Variants in CDKN2B-AS1 observed in about 807,000 individuals in gnomAD.
The protein encoded by CDKN2B-AS1 is CDKN2B and CDKN2A antisense cis and trans regulatory RNA 1, also known as CDKN2B antisense RNA 1 (non-protein coding).
rs995311649 is a variant in CDKN2B-AS1, at chr9:21,997,827, T to C, written n.29+2666T>C. On this transcript the variant is annotated intron_variant and non_coding_transcript_variant, in intron 1 of 4. Coordinates refer to ENST00000650946, the Ensembl canonical transcript of CDKN2B-AS1. The surrounding 1 kb of genome is among the most constrained non-coding windows in gnomAD (Gnocchi z 4.8). ...CACTGGGTACCACAGCCTAGCCAAG[T>C]TGACATACCAAATTAACTGTCACAT... is the stretch of plus-strand genomic sequence containing the variant. Among the ~76,000 whole-genome samples, 2 of 152,144 alleles carry C rather than the reference T, an allele frequency of 1.3e-5. No homozygotes were observed. The highest frequency in any genetic ancestry group is 2.4e-5 in the African/African-American group (1 of 41,418).
intron 1 of CDKN2B-AS1, among the ~76,000 whole-genome samples, chr9:22,002,092 C>G (rs1269591167): frequency 2.0e-5 from 3 of 152,002 alleles, no homozygotes; most frequent in African/African-American, 2.4e-5. Flanking sequence ...ACACTGTGAA[C>G]TACACCAACC....
chr9:22,072,226 A>G (rs1199677373), intron 4 of CDKN2B-AS1, among the ~76,000 whole-genome samples: 2 of 152,220 alleles, frequency 1.3e-5, no homozygotes. Context: ...TCTAAATGAC[A>G]TTATCATAGG....
intron 4 of CDKN2B-AS1, among the ~76,000 whole-genome samples, chr9:22,095,380 G>A (rs1825238285): frequency 6.9e-6 from 1 of 144,806 alleles, no homozygotes; most frequent in Admixed American, 6.7e-5. Context: ...GGGTAGTTCA[G>A]TTTCCATGTA....
At chr9:22,118,530 G>C (rs1216439516) in intron 4 of CDKN2B-AS1, 1 of 152,182 alleles carries the variant, frequency 6.6e-6, no homozygotes, top group African/African-American at 2.4e-5. Context: ...ACTTTATGGA[G>C]AGAGAAGAAC....
At chr9:22,017,012 C>G (rs1169999911) in intron 1 of CDKN2B-AS1, among the ~76,000 whole-genome samples, 1 of 152,144 alleles carries the variant, frequency 6.6e-6, no homozygotes, top group Non-Finnish European at 1.5e-5. Context: ...TTGACAAAAT[C>G]TTTGATTTCT....
At chr9:22,025,261 C>T (rs1822183909) in intron 1 of CDKN2B-AS1, among the ~76,000 whole-genome samples, 1 of 152,136 alleles carries the variant, frequency 6.6e-6, no homozygotes, top group Admixed American at 6.5e-5. Flanking sequence ...TGACGAGCAG[C>T]TGGGGGGTGG....
chr9:22,094,078 G>C (rs1390681087), intron 4 of CDKN2B-AS1, among the ~76,000 whole-genome samples: 1 of 144,000 alleles, frequency 6.9e-6, no homozygotes, highest in Non-Finnish European at 1.5e-5. Context: ...CACTTATGAA[G>C]CTTAGTTTGG....
At chr9:22,020,660 T>C (rs559216806) in intron 1 of CDKN2B-AS1, among the ~76,000 whole-genome samples, 1 of 152,380 alleles carries the variant, frequency 6.6e-6, no homozygotes, top group South Asian at 2.1e-4. Flanking sequence ...ATATGATTGT[T>C]AGCCACATGT....
chr9:22,124,802 A>G (rs774167960), intron 4 of CDKN2B-AS1, among the ~76,000 whole-genome samples: 5 of 152,192 alleles, frequency 3.3e-5, no homozygotes, highest in African/African-American at 1.2e-4. Flanking sequence ...CCTGCCTTCA[A>G]GATAGGGTGA....
intron 4 of CDKN2B-AS1, among the ~76,000 whole-genome samples, chr9:22,091,063 G>A (rs1446212097): frequency 6.6e-6 from 1 of 152,112 alleles, no homozygotes; most frequent in Non-Finnish European, 1.5e-5. Context: ...AGTTTTCCCA[G>A]CACCATCTAT....
intron 4 of CDKN2B-AS1, among the ~76,000 whole-genome samples, chr9:22,124,516 C>G (rs1563995788): frequency 6.6e-6 from 1 of 151,996 alleles, no homozygotes; most frequent in Non-Finnish European, 1.5e-5. Context: ...GTTTCTCCTT[C>G]TCTCTCTCTC....
intron 4 of CDKN2B-AS1, among the ~76,000 whole-genome samples, chr9:22,067,075 G>C (rs1483987728): frequency 6.6e-6 from 1 of 152,162 alleles, no homozygotes; most frequent in Non-Finnish European, 1.5e-5. Flanking sequence ...GGGGTGGGGA[G>C]AGGAGGGAGG....
rs9632884 is a variant in CDKN2B-AS1 at position 22,072,302 on chromosome 9, G to C, written n.438+15915G>C. ...TAATGAAGCAATTAATTTGATTCAC[G>C]AAAGTAAGTTTCTAGTTTATATAAA... On this transcript the variant is annotated intron_variant and non_coding_transcript_variant, in intron 4 of 4. Coordinates refer to ENST00000650946, the Ensembl canonical transcript of CDKN2B-AS1. Among the ~76,000 whole-genome samples the C allele has an allele frequency of 0.63, 95,733 of 152,130 alleles. 32,625 individuals carry two copies. Among genetic ancestry groups the C allele is most frequent in the African/African-American group, 0.91 (37,642 of 41,558 alleles).
intron 1 of CDKN2B-AS1, among the ~76,000 whole-genome samples, chr9:22,043,961 A>G (rs1392310696): frequency 3.3e-5 from 5 of 151,972 alleles, no homozygotes; most frequent in Non-Finnish European, 5.9e-5. Flanking sequence ...AGAAATAGTG[A>G]TAGTAACCAT....
chr9:22,084,786 G>A (rs79430998), intron 4 of CDKN2B-AS1, among the ~76,000 whole-genome samples: 1 of 152,102 alleles, frequency 6.6e-6, no homozygotes, highest in African/African-American at 2.4e-5. Flanking sequence ...AGAATGAGTA[G>A]GGCTGTGAAA....
chr9:22,100,784 C>G (rs1480533932), intron 4 of CDKN2B-AS1, among the ~76,000 whole-genome samples: 4 of 152,138 alleles, frequency 2.6e-5, no homozygotes, highest in African/African-American at 9.7e-5. Context: ...ATGGAGGTTC[C>G]CACTTCTCCA....
chr9:22,028,884 T>C (rs1244254280), intron 1 of CDKN2B-AS1, among the ~76,000 whole-genome samples: 1 of 152,182 alleles, frequency 6.6e-6, no homozygotes, highest in African/African-American at 2.4e-5. Context: ...ATTGTAACAA[T>C]GATAAATATA....
At chr9:22,053,821 A>ACCG (rs1823449858) in intron 3 of CDKN2B-AS1, among the ~76,000 whole-genome samples, 1 of 152,216 alleles carries the variant, frequency 6.6e-6, no homozygotes, top group South Asian at 2.1e-4. Flanking sequence ...GTCCTCCTTG[A>ACCG]TGTCTTGTAG....
At chr9:22,087,854 T>G (rs1311230421) in intron 4 of CDKN2B-AS1, among the ~76,000 whole-genome samples, 2 of 152,320 alleles carry the variant, frequency 1.3e-5, no homozygotes, top group Non-Finnish European at 2.9e-5. Flanking sequence ...AATAGAAGAT[T>G]GTCATAAAAA....
Sources: allele counts gnomAD v4.1 joint callset (sites outside exome capture counted in the v4.1 genomes callset), GRCh38; gene constraint gnomAD v4.1.1; non-coding constraint Gnocchi (gnomAD v3.1); transcripts MANE v1.5; gene names NCBI Gene and HGNC (gene_info 2026-07-23, HGNC 2026-07-21).